Variants in FAM53A observed in about 807,000 individuals in gnomAD.
The protein encoded by FAM53A is protein FAM53A.
FAM53A carries 28 observed loss-of-function variants against 26.6 expected under a neutral mutation model. The observed-to-expected ratio is 1.05, with a 90% CI of 0.78 to 1.45. FAM53A has a LOEUF of 1.45. Ranked by LOEUF, FAM53A falls within the 40% of genes most tolerant of loss-of-function variation. The pLI is 0.00. For missense variants in FAM53A, 650 were observed against 575.8 expected, an observed-to-expected ratio of 1.13 and a Z score of -1.32; for synonymous variants, 290 against 253.1, an observed-to-expected ratio of 1.15 and a Z score of -1.38.
intron 1 of FAM53A, among the ~76,000 whole-genome samples, chr4:1,678,340 C>T (rs896963875): frequency 2.0e-5 from 3 of 152,174 alleles, no homozygotes; most frequent in South Asian, 4.1e-4. Context: ...AAGACCCTGT[C>T]TCAAAATAAA....
chr4:1,668,050 T>G (rs775092290), intron 2 of FAM53A, among the ~76,000 whole-genome samples: 2 of 152,048 alleles, frequency 1.3e-5, no homozygotes, highest in Non-Finnish European at 2.9e-5. Context: ...GCTGCTTGAT[T>G]GGATGGTAAC....
At chr4:1,603,439 G>A in the FAM53A span, among the ~76,000 whole-genome samples, 1 of 152,292 alleles carries the variant, frequency 6.6e-6, no homozygotes, top group Non-Finnish European at 1.5e-5. Flanking sequence ...GCCGCCCACC[G>A]CAGGACAGGA....
At chr4:1,613,294 G>T (rs181622139), downstream of FAM53A, among the ~76,000 whole-genome samples, 2 of 152,322 alleles carry the variant, frequency 1.3e-5, no homozygotes, top group Admixed American at 1.3e-4. Flanking sequence ...CGAGGGCCCA[G>T]GCTCCGCTCC....
downstream of FAM53A, among the ~76,000 whole-genome samples, chr4:1,616,683 A>C (rs540291118): frequency 1.3e-3 from 204 of 152,374 alleles, no homozygotes; most frequent in Middle Eastern, 0.01. Flanking sequence ...TTTGATAAGA[A>C]GGATGCAGAA....
At chr4:1,632,603 A>C (rs1364601523) in intron 1 of FAM53A, among the ~76,000 whole-genome samples, 1 of 152,268 alleles carries the variant, frequency 6.6e-6, no homozygotes, top group Non-Finnish European at 1.5e-5. Context: ...CCCTTAGAGT[A>C]GAGCCACGGG....
chr4:1,586,167 C>T, the FAM53A span, among the ~76,000 whole-genome samples: 1 of 152,128 alleles, frequency 6.6e-6, no homozygotes, highest in South Asian at 2.1e-4. Context: ...TGAACATGGG[C>T]GTGCAGGTCT....
the FAM53A span, among the ~76,000 whole-genome samples, chr4:1,576,528 G>A: frequency 2.8e-4 from 42 of 152,252 alleles, no homozygotes; most frequent in Non-Finnish European, 5.4e-4. Context: ...CATCAGCACC[G>A]CGAGAAGGGG....
At chr4:1,611,861 C>T in the FAM53A span, among the ~76,000 whole-genome samples, 9 of 152,334 alleles carry the variant, frequency 5.9e-5, no homozygotes, top group Non-Finnish European at 1.2e-4. Flanking sequence ...GCTGTCCGGC[C>T]GAGCAGCTAC....
chr4:1,674,887 T>C (rs1239521670), intron 1 of FAM53A, among the ~76,000 whole-genome samples: 1 of 152,168 alleles, frequency 6.6e-6, no homozygotes, highest in Admixed American at 6.5e-5. Flanking sequence ...CCCTTGGCAG[T>C]TCTGAGGCCA....
chr4:1,628,584 C>T (rs1401869699), intron 1 of FAM53A, among the ~76,000 whole-genome samples: 3 of 5,648 alleles, frequency 5.3e-4, no homozygotes, highest in African/African-American at 8.2e-4. Flanking sequence ...GAGCATGCCA[C>T]GGGGGGAGGG....
chr4:1,675,326 G>C (rs1197448250), intron 1 of FAM53A, among the ~76,000 whole-genome samples: 2 of 152,132 alleles, frequency 1.3e-5, no homozygotes, highest in African/African-American at 4.8e-5. Context: ...GCCGGCATCA[G>C]GCATCCCTTG....
chr4:1,680,242 C>G (rs190966890), intron 1 of FAM53A, among the ~76,000 whole-genome samples: 98 of 137,870 alleles, frequency 7.1e-4, no homozygotes, highest in African/African-American at 2.5e-3. Context: ...TCATTTGAAA[C>G]CAGGAGGCGG....
the FAM53A span, among the ~76,000 whole-genome samples, chr4:1,590,215 A>G: frequency 6.6e-6 from 1 of 152,046 alleles, no homozygotes; most frequent in Non-Finnish European, 1.5e-5. Context: ...ATTGTATTGC[A>G]TTATAGTGAA....
intron 1 of FAM53A, among the ~76,000 whole-genome samples, chr4:1,628,901 CT>C (rs1715483038): frequency 6.6e-6 from 1 of 151,690 alleles, no homozygotes; most frequent in Non-Finnish European, 1.5e-5. Flanking sequence ...GCAGGGTCCC[CT>C]ACTCCGTAGC....
rs13114370 is a variant in FAM53A, at chr4:1,625,413, A to G, written c.432-7302T>C. Among the ~76,000 whole-genome samples, 26 of 33,236 alleles carry G rather than the reference A, an allele frequency of 7.8e-4. 7 individuals carry two copies. The highest frequency in any genetic ancestry group is 1.0e-3 in the Non-Finnish European group (20 of 19,462). The allele number at this position is 33,236 out of a possible 152,430, so 21.8% of individuals were successfully genotyped here. A position where few individuals can be genotyped will look rare whatever the true frequency, so the allele number is the denominator to read the frequency against. ...GGTGATCAGAAGCCCCCACGTCCCG[A>G]CCCACGTGGTCAGGGTCACACCAGG... On this transcript the variant is annotated intron_variant, in intron 1 of 1. Coordinates refer to the FAM53A transcript ENST00000489029.
chr4:1,603,843 G>T, the FAM53A span, among the ~76,000 whole-genome samples: 1 of 152,216 alleles, frequency 6.6e-6, no homozygotes, highest in African/African-American at 2.4e-5. Context: ...AGGCTGGCAG[G>T]CGTCCTGGGC....
chr4:1,636,180 G>A (rs1175650514), downstream of FAM53A, among the ~76,000 whole-genome samples: 2 of 152,188 alleles, frequency 1.3e-5, no homozygotes, highest in Non-Finnish European at 2.9e-5. Flanking sequence ...ACTGGCATTT[G>A]CTTTCTGGCC....
chr4:1,581,560 C>G, the FAM53A span, among the ~76,000 whole-genome samples: 3 of 152,178 alleles, frequency 2.0e-5, no homozygotes, highest in African/African-American at 7.2e-5. Context: ...ACTTTTAAGA[C>G]ATGTATGTGT....
Position 1,657,445 on chromosome 4 carries a change from C to G in FAM53A, c.99G>C (p.Leu33=), listed in dbSNP as rs764920347. The change falls in exon 3 of 5, where the codon CTG becomes CTC. Residue 33 remains leucine (L), a synonymous_variant. Transcript: ENST00000308132. ...AGPLQYSAET[L]NKSGRLFPLE... Reference sequence around the variant, plus strand: ...AAGGGAACAGACGACCGCTCTTGTTCAGGGTTTCCGCAGAATACTGCAACT... The same window carrying G: ...AAGGGAACAGACGACCGCTCTTGTTGAGGGTTTCCGCAGAATACTGCAACT... 6.2e-7 allele frequency: 1 copy of G among 1,613,774 alleles called. No individual in the cohort carries two copies. The highest frequency in any genetic ancestry group is 1.1e-5 in the South Asian group (1 of 91,008).
Sources: allele counts gnomAD v4.1 joint callset (sites outside exome capture counted in the v4.1 genomes callset), GRCh38; gene constraint gnomAD v4.1.1; transcripts MANE v1.5; gene names NCBI Gene and HGNC (gene_info 2026-07-23, HGNC 2026-07-21).